AKAP6: variants seen among roughly 807,000 people sequenced by gnomAD.
AKAP6 encodes the protein A-kinase anchoring protein 6, also known as A-kinase anchor protein 6.
AKAP6 carries 58 observed loss-of-function variants against 188.5 expected under a neutral mutation model. The observed-to-expected ratio is 0.31, with a 90% confidence interval of 0.25 to 0.38. AKAP6 has a LOEUF of 0.38. Ranked by LOEUF, AKAP6 falls within the 10% of genes least tolerant of loss-of-function variation. AKAP6 has a pLI of 1.00. For synonymous variants in AKAP6, 989 were observed against 998.6 expected, an observed-to-expected ratio of 0.99 and a Z score of 0.18; for missense variants, 2,710 against 2,740.0, an observed-to-expected ratio of 0.99 and a Z score of 0.24.
chr14:32,336,514 GCA>G lies in AKAP6; in HGVS notation c.-35+7115_-35+7116del, dbSNP rs1886708466. ...ATTTTACAAATAACGATGACTATAG[GCA>G]CACACACATGTATATTACTTGGAGA... On this transcript the variant is annotated intron_variant, in intron 1 of 13. Transcript: ENST00000280979. Among the ~76,000 whole-genome samples the G allele has an allele frequency of 2.6e-5, 4 of 152,146 alleles. No individual in the cohort carries two copies. The South Asian group carries it at 8.3e-4, about 32-fold the overall frequency.
chr14:32,433,969 A>G, intron 2 of AKAP6, 152 bp downstream of exon 2: 1 of 690,898 alleles, frequency 1.4e-6, no homozygotes, highest in Non-Finnish European at 2.3e-6. Context: ...TAAACATGGA[A>G]ATAATTAATT....
intron 9 of AKAP6, among the ~76,000 whole-genome samples, chr14:32,730,112 A>G (rs768066440): frequency 2.0e-5 from 3 of 152,184 alleles, no homozygotes; most frequent in African/African-American, 7.2e-5. Context: ...TTGAGCCCCT[A>G]AACATATTAG....
intron 2 of AKAP6, among the ~76,000 whole-genome samples, chr14:32,501,216 T>G (rs1030819244): frequency 2.0e-5 from 3 of 152,176 alleles, no homozygotes; most frequent in Non-Finnish European, 4.4e-5. Flanking sequence ...AATATAAAAT[T>G]ATTAATAAAC....
At chr14:32,732,636 G>A (rs1340418131) in intron 10 of AKAP6, 36 bp downstream of exon 10, 1 of 1,609,224 alleles carries the variant, frequency 6.2e-7, no homozygotes, top group South Asian at 1.1e-5. Flanking sequence ...TAGGTTATGT[G>A]TACATTTTTT....
rs1324770843 is a variant in AKAP6, at chr14:32,824,339, C to G, written c.6526C>G (p.Pro2176Ala). Reference sequence around the variant, plus strand: ...GGAGCCTTGTTTCTCTAGTGCTCCTCCAAATGAATCTGCAGTTCCCAGCGA... The same window carrying G: ...GGAGCCTTGTTTCTCTAGTGCTCCTGCAAATGAATCTGCAGTTCCCAGCGA... ...GEEPCFSSAP[P>A]NESAVPSEAA... Residue 2176 changes from proline to alanine, a missense_variant, in exon 13 of 14, where the codon CCA becomes GCA. Physicochemically the swap from Pro to Ala is conservative, Grantham distance 27 (BLOSUM62 -1). This residue lies in a region of AKAP6 where 2,473 missense variants were observed against 2,426.1 expected (regional missense o/e 1.02). Coordinates refer to ENST00000280979, the MANE Select transcript of AKAP6 (RefSeq NM_004274.5). 7.4e-6 allele frequency: 12 copies of G among 1,613,716 alleles called. No individual in the cohort carries two copies. The highest frequency in any genetic ancestry group is 1.0e-5 in the Non-Finnish European group (12 of 1,179,922).
chr14:32,483,729 A>C (rs534957878), intron 2 of AKAP6, among the ~76,000 whole-genome samples: 10 of 152,150 alleles, frequency 6.6e-5, no homozygotes, highest in East Asian at 3.9e-4. Flanking sequence ...GGTGATCTGC[A>C]TGCCTCAGCC....
intron 5 of AKAP6, among the ~76,000 whole-genome samples, chr14:32,583,763 G>T (rs113367596): frequency 3.9e-5 from 6 of 152,188 alleles, no homozygotes; most frequent in Admixed American, 2.0e-4. Flanking sequence ...CTCCGTGGGC[G>T]TAGGACCCTC....
chr14:32,633,377 A>C (rs534355864), intron 7 of AKAP6, among the ~76,000 whole-genome samples: 1 of 152,214 alleles, frequency 6.6e-6, no homozygotes, highest in African/African-American at 2.4e-5. Context: ...ATCTGCAAAA[A>C]GCACAGGGTT....
At chr14:32,560,126 G>T (rs1419097969) in intron 4 of AKAP6, among the ~76,000 whole-genome samples, 1 of 152,122 alleles carries the variant, frequency 6.6e-6, no homozygotes, top group Non-Finnish European at 1.5e-5. Context: ...AAGATACACA[G>T]TAGATGAATG....
At chr14:32,470,479 A>C (rs1878714225) in intron 2 of AKAP6, among the ~76,000 whole-genome samples, 2 of 152,160 alleles carry the variant, frequency 1.3e-5, no homozygotes, top group Admixed American at 6.5e-5. Flanking sequence ...AAATTGTATC[A>C]CTGCTGTCGT....
Position 32,571,050 on chromosome 14 carries a change from G to T in AKAP6, c.2347-6070G>T, listed in dbSNP as rs142014121. ...CATCTGTAAAATGGGGATAACTATAGTACCTACCTCACAGGGCCATTATGA... is the reference window on the plus strand; with the variant it reads ...CATCTGTAAAATGGGGATAACTATATTACCTACCTCACAGGGCCATTATGA... On this transcript the variant is annotated intron_variant, in intron 4 of 13. Coordinates refer to ENST00000280979, the MANE Select transcript of AKAP6 (RefSeq NM_004274.5). Among the ~76,000 whole-genome samples the T allele has an allele frequency of 2.4e-3, 363 of 152,232 alleles. 2 individuals are homozygous for T. The highest frequency in any genetic ancestry group is 0.01 in the Middle Eastern group (3 of 294).
chr14:32,346,587 A>C (rs548783785), intron 1 of AKAP6, among the ~76,000 whole-genome samples: 2 of 152,272 alleles, frequency 1.3e-5, no homozygotes, highest in South Asian at 2.1e-4. Flanking sequence ...TGGCTCACTG[A>C]AAGCTCCGCC....
intron 2 of AKAP6, among the ~76,000 whole-genome samples, chr14:32,509,823 G>A (rs1881082945): frequency 6.6e-6 from 1 of 152,092 alleles, no homozygotes; most frequent in East Asian, 1.9e-4. Context: ...GGACTCTGCT[G>A]GCTGTTTATA....
intron 4 of AKAP6, among the ~76,000 whole-genome samples, chr14:32,552,678 T>C (rs1479910505): frequency 6.6e-6 from 1 of 152,184 alleles, no homozygotes; most frequent in Non-Finnish European, 1.5e-5. Flanking sequence ...TGGAATTGTA[T>C]TGAAAACACA....
intron 10 of AKAP6, chr14:32,734,046 A>T (rs1208387226): frequency 1.3e-5 from 2 of 152,166 alleles, no homozygotes; most frequent in Non-Finnish European, 2.9e-5. Flanking sequence ...AATAATATTT[A>T]GCTATCCTTT....
intron 8 of AKAP6, among the ~76,000 whole-genome samples, chr14:32,682,162 G>T (rs549817575): frequency 2.6e-5 from 4 of 152,306 alleles, no homozygotes; most frequent in African/African-American, 9.6e-5. Flanking sequence ...AGCAGAGAGA[G>T]AGGGCTCTGG....
chr14:32,701,174 A>G (rs1308987224), intron 9 of AKAP6, among the ~76,000 whole-genome samples: 2 of 152,208 alleles, frequency 1.3e-5, no homozygotes, highest in African/African-American at 2.4e-5. Flanking sequence ...GGGGTTATTT[A>G]TAAGAATCAA....
At chr14:32,705,759 C>T (rs573037417) in intron 9 of AKAP6, among the ~76,000 whole-genome samples, 5 of 152,274 alleles carry the variant, frequency 3.3e-5, no homozygotes, top group Admixed American at 1.3e-4. Context: ...AGATTTATTT[C>T]TCATGCATAC....
chr14:32,386,437 C>G (rs1349197353), intron 1 of AKAP6, among the ~76,000 whole-genome samples: 2 of 152,008 alleles, frequency 1.3e-5, no homozygotes, highest in African/African-American at 4.8e-5. Context: ...CCTTAGCCCA[C>G]TTTTTAATAG....
Sources: gnomAD v4.1 joint callset for allele counts (sites outside exome capture counted in the v4.1 genomes callset) on GRCh38, gnomAD v4.1.1 for gene constraint, gnomAD v4.1.1 regional missense constraint, MANE v1.5 for transcripts, NCBI Gene and HGNC (gene_info 2026-07-23, HGNC 2026-07-21) for gene names.